COL11A2: variants seen among roughly 807,000 people sequenced by gnomAD.
COL11A2 encodes collagen alpha-2(XI) chain.
In COL11A2, 116 loss-of-function variants were observed where a neutral mutation model predicts 273.4. The ratio of observed to expected loss-of-function variants is 0.42; its 90% confidence interval spans 0.36 to 0.49. COL11A2 has a LOEUF of 0.49. Among genes scored for constraint, COL11A2 ranks in the 20% least tolerant of loss-of-function variants. The pLI, the probability that COL11A2 is intolerant of heterozygous loss-of-function variation, is 0.00. For synonymous variants in COL11A2, 782 were observed against 864.2 expected (o/e 0.90, Z 1.67); for missense variants, 1,866 against 2,309.0 (o/e 0.81, Z 3.93).
Position 33,186,957 on chromosome 6 carries a change from A to G in COL11A2, c.607-139T>C, listed in dbSNP as rs943072592. ...GTCACTGTCAGTCCTCCATATGCAT[A>G]GCCCTTTTCAGTTTTCAAGGGATCT... On this transcript the variant is annotated intron_variant, in intron 4 of 65. Coordinates refer to ENST00000341947, the MANE Select transcript of COL11A2 (RefSeq NM_080680.3). 3.6e-5 allele frequency: 40 copies of G among 1,109,028 alleles called. No homozygotes were observed. The Admixed American group carries it at 7.2e-4, about 20-fold the overall frequency. The allele number at this position is 1,109,028 out of a possible 1,614,324, so 68.7% of individuals were successfully genotyped here. A position where few individuals can be genotyped will look rare whatever the true frequency, so the allele number is the denominator to read the frequency against.
intron 7 of COL11A2, 117 bp from the exon 8 acceptor site, chr6:33,184,441 A>G (rs1489900507): frequency 1.4e-6 from 1 of 710,268 alleles, no homozygotes; most frequent in Non-Finnish European, 2.0e-6. Context: ...GTTAATCAGA[A>G]CTGGATTTTT....
chr6:33,180,659 C>A lies in COL11A2; in HGVS notation c.1284+9G>T, dbSNP rs1471304457. ...AAGCTCCCCCGTCACATGGAGGACA[C>A]CCCCTTACCCTCTCTCCAGGGTCTC... On this transcript the variant is annotated intron_variant, in intron 11 of 65. Transcript: ENST00000341947. 2.5e-6 allele frequency: 4 copies of A among 1,602,536 alleles called. No individual in the cohort carries two copies. The highest frequency in any genetic ancestry group is 3.4e-6 in the Non-Finnish European group (4 of 1,174,932).
In COL11A2 at chr6:33,178,320, C is replaced by A; in HGVS notation, c.1806G>T (p.Leu602=). Reference sequence around the variant, plus strand: ...CTTGGACACTCACCGACTCTCCAGGCAGCCCTCGAGGCCCAATCTCCCCGT... The same window carrying A: ...CTTGGACACTCACCGACTCTCCAGGAAGCCCTCGAGGCCCAATCTCCCCGT... The part of the protein sequence containing the change: ...GDDGEIGPRG[L]PGESGPRGLL... Residue 602 remains leucine (L), a synonymous_variant, in exon 20 of 66, where the codon CTG becomes CTT. Transcript: ENST00000341947. This position sits in a 1 kb window ranked among gnomAD's most constrained non-coding sequence, Gnocchi z 4.6. 6.2e-7 allele frequency: 1 copy of A among 1,612,852 alleles called. No homozygotes were observed. The highest frequency in any genetic ancestry group is 8.5e-7 in the Non-Finnish European group (1 of 1,179,928).
chr6:33,166,766 C>T lies in COL11A2; in HGVS notation c.4292G>A (p.Arg1431Gln), dbSNP rs761955347. The change falls in exon 59 of 66, where the codon CGG becomes CAG. Residue 1431 changes from arginine to glutamine, a missense_variant. Physicochemically the swap from Arg to Gln is conservative, Grantham distance 43 (BLOSUM62 1). Coordinates refer to ENST00000341947, the MANE Select transcript of COL11A2 (RefSeq NM_080680.3). This position sits in a 1 kb window ranked among gnomAD's most constrained non-coding sequence, Gnocchi z 4.8. ...PPGEQGEKGD[R>Q]GLPGPQGSPG... Reference sequence around the variant, plus strand: ...GGAGCCCTGAGGCCCAGGAAGTCCCCGATCTCCCTTCTCTCCCTGCTCACC... The same window carrying T: ...GGAGCCCTGAGGCCCAGGAAGTCCCTGATCTCCCTTCTCTCCCTGCTCACC... 25 of 1,613,392 alleles carry T rather than the reference C, an allele frequency of 1.5e-5. 1 individual carries two copies. Among genetic ancestry groups the T allele is most frequent in the South Asian group, 7.7e-5 (7 of 91,096 alleles).
chr6:33,180,253 C>T lies in COL11A2; in HGVS notation c.1359+5G>A, dbSNP rs377058263. ...GCATGTTCCAAAACCCAAGAGACAA[C>T]TCACTGGGAGCATGAGAGATGTGCC... On this transcript the variant is annotated splice_donor_5th_base_variant and intron_variant, in intron 12 of 65. Transcript: ENST00000341947. 3 of 1,612,732 alleles carry T rather than the reference C, an allele frequency of 1.9e-6. No individual in the cohort carries two copies. The highest frequency in any genetic ancestry group is 2.5e-6 in the Non-Finnish European group (3 of 1,179,876).
At chr6:33,184,899 A>G (rs569046711) in intron 7 of COL11A2, 93 bp downstream of exon 7, 1 of 1,038,534 alleles carries the variant, frequency 9.6e-7, no homozygotes, top group Non-Finnish European at 1.5e-6. Context: ...CGGCCAGAGG[A>G]GGGGCTGGTC....
Position 33,167,169 on chromosome 6 carries a change from A to C in COL11A2, c.4177-46T>G. 1 of 1,613,260 alleles carries C rather than the reference A, an allele frequency of 6.2e-7. No homozygotes were observed. Among genetic ancestry groups the C allele is most frequent in the Non-Finnish European group, 8.5e-7 (1 of 1,179,262 alleles). On this transcript the variant is annotated intron_variant, in intron 57 of 65. Transcript: ENST00000341947. The surrounding 1 kb of genome is among the most constrained non-coding windows in gnomAD (Gnocchi z 6.1). ...ATTCTCTTAAGGGAGAGGTGGGACC[A>C]AGTTCTCCCCAACAGCCTCCACTTC...
At chr6:33,188,091 GGA>G (rs963243543) in intron 4 of COL11A2, among the ~76,000 whole-genome samples, 3 of 151,980 alleles carry the variant, frequency 2.0e-5, no homozygotes, top group Non-Finnish European at 2.9e-5. Context: ...GGGTGGGTGA[GGA>G]GAGAGAGGGG....
rs1351272954 is a variant in COL11A2 at position 33,179,559 on chromosome 6, T to C, written c.1447-72A>G. 6.8e-7 allele frequency: 1 copy of C among 1,468,620 alleles called. No homozygotes were observed. The highest frequency in any genetic ancestry group is 1.4e-5 in the African/African-American group (1 of 71,478). The allele number at this position is 1,468,620 out of a possible 1,614,324, so 91.0% of individuals were successfully genotyped here. A position where few individuals can be genotyped will look rare whatever the true frequency, so the allele number is the denominator to read the frequency against. ...CCCCCAGCCCCAGCACTCTCCAAAT[T>C]CACCCTTCCTCTCCTGATCCTCATC... On this transcript the variant is annotated intron_variant, in intron 13 of 65. Transcript: ENST00000341947. This position sits in a 1 kb window ranked among gnomAD's most constrained non-coding sequence, Gnocchi z 6.4.
Position 33,172,044 on chromosome 6 carries a change from A to G in COL11A2, c.3042+6T>C. 1 of 1,612,510 alleles carries G rather than the reference A, an allele frequency of 6.2e-7. No homozygotes were observed. Among genetic ancestry groups the G allele is most frequent in the Non-Finnish European group, 8.5e-7 (1 of 1,179,858 alleles). ...CTTCCTACCACTTCCGGAACCCCAG[A>G]CTCACTGCAGGGCCAGGGGGGCCAG... On this transcript the variant is annotated splice_donor_region_variant and intron_variant, in intron 41 of 65. Transcript: ENST00000341947.
upstream of COL11A2, chr6:33,192,584 T>G: frequency 2.4e-6 from 1 of 421,192 alleles, no homozygotes; most frequent in South Asian, 2.4e-5. Context: ...AGTCTCCACC[T>G]GGGGAGGGAG....
Position 33,178,034 on chromosome 6 carries a change from T to A in COL11A2, c.1872+98A>T. The A allele has an allele frequency of 7.9e-7, 1 of 1,272,950 alleles. No individual in the cohort carries two copies. Among genetic ancestry groups the A allele is most frequent in the Non-Finnish European group, 1.1e-6 (1 of 896,320 alleles). 78.9% of individuals were successfully genotyped at this position (1,272,950 alleles called of 1,614,324 possible). A position where few individuals can be genotyped will look rare whatever the true frequency, so the allele number is the denominator to read the frequency against. On this transcript the variant is annotated intron_variant, in intron 21 of 65. Coordinates refer to ENST00000341947, the MANE Select transcript of COL11A2 (RefSeq NM_080680.3). This position sits in a 1 kb window ranked among gnomAD's most constrained non-coding sequence, Gnocchi z 4.6. ...GGGAGCTCACAGGGAATGGGAAGCA[T>A]GCCGAGAGAGGAGAGGGAGCAGGAA...
At position 33,174,514 on chromosome 6, in the gene COL11A2, G is replaced by A; in HGVS notation, c.2430+13C>T. 1 of 1,612,410 alleles carries A rather than the reference G, an allele frequency of 6.2e-7. No homozygotes were observed. Among genetic ancestry groups the A allele is most frequent in the African/African-American group, 1.3e-5 (1 of 74,990 alleles). ...GGAAGAGGAGGAGGGGCACGTATGG[G>A]GCATGGCATCACCTTGGGTCCCTGA... On this transcript the variant is annotated intron_variant, in intron 31 of 65. Coordinates refer to ENST00000341947, the MANE Select transcript of COL11A2 (RefSeq NM_080680.3).
rs923791518 is a variant in COL11A2 at position 33,177,599 on chromosome 6, C to T, written c.1917+63G>A. The T allele has an allele frequency of 3.1e-6, 5 of 1,605,168 alleles. No individual in the cohort carries two copies. The highest frequency in any genetic ancestry group is 1.1e-5 in the South Asian group (1 of 90,860). On this transcript the variant is annotated intron_variant, in intron 22 of 65. Transcript: ENST00000341947. This position sits in a 1 kb window ranked among gnomAD's most constrained non-coding sequence, Gnocchi z 5.9. ...AGGCAGGGGTCAAAATGGCGGCCAA[C>T]AGGATGCTGGCAGGGACCTCGGGGG...
At chr6:33,182,585 C>T (rs1340897426) in intron 8 of COL11A2, among the ~76,000 whole-genome samples, 1 of 152,006 alleles carries the variant, frequency 6.6e-6, no homozygotes, top group African/African-American at 2.4e-5. Context: ...GTGGCACATG[C>T]CTGTAACCCC....
At position 33,166,136 on chromosome 6, in the gene COL11A2, T is replaced by C; in HGVS notation, c.4428+35A>G. 1.2e-6 allele frequency: 2 copies of C among 1,607,502 alleles called. No homozygotes were observed. Among genetic ancestry groups the C allele is most frequent in the South Asian group, 2.2e-5 (2 of 89,764 alleles). On this transcript the variant is annotated intron_variant, in intron 61 of 65. Transcript: ENST00000341947. The surrounding 1 kb of genome is among the most constrained non-coding windows in gnomAD (Gnocchi z 4.8). The stretch of plus-strand genomic sequence containing the variant: ...GAGACATCATCAAGTCCAGAGGGGG[T>C]GGAGCAAAGGTCAGAGCTGAAGGGG...
chr6:33,170,425 G>T lies in COL11A2; in HGVS notation c.3529-46C>A, dbSNP rs749877931. 16 of 1,604,658 alleles carry T rather than the reference G, an allele frequency of 1.0e-5. No individual in the cohort carries two copies. The highest frequency in any genetic ancestry group is 1.7e-5 in the Admixed American group (1 of 59,832). ...ACAGATGAGGAAGGGAAGTGAGATG[G>T]CTGAGCATGAATGGTGGAGAGAGGA... On this transcript the variant is annotated intron_variant, in intron 47 of 65. Coordinates refer to ENST00000341947, the MANE Select transcript of COL11A2 (RefSeq NM_080680.3). This position sits in a 1 kb window ranked among gnomAD's most constrained non-coding sequence, Gnocchi z 4.3.
In COL11A2 at chr6:33,166,657, A is replaced by T; in HGVS notation, c.4338+63T>A. The T allele has an allele frequency of 6.2e-7, 1 of 1,610,318 alleles. No individual in the cohort carries two copies. The highest frequency in any genetic ancestry group is 8.5e-7 in the Non-Finnish European group (1 of 1,177,494). ...TACCCACAGCTGAGTCCCAACTCCA[A>T]CTCCACCCCTCTCCACCCCACTCTC... On this transcript the variant is annotated intron_variant, in intron 59 of 65. Coordinates refer to ENST00000341947, the MANE Select transcript of COL11A2 (RefSeq NM_080680.3). This position sits in a 1 kb window ranked among gnomAD's most constrained non-coding sequence, Gnocchi z 4.8.
Position 33,169,023 on chromosome 6 carries a change from G to A in COL11A2, c.3799-15C>T, listed in dbSNP as rs899958290. The stretch of plus-strand genomic sequence containing the variant: ...CCAACAGGACCCTGATCCAGATGGA[G>A]AATAAGAGTCAGGGTCACAGCTCCC... On this transcript the variant is annotated splice_polypyrimidine_tract_variant and intron_variant, in intron 51 of 65. Transcript: ENST00000341947. The surrounding 1 kb of genome is among the most constrained non-coding windows in gnomAD (Gnocchi z 5.5). The A allele has an allele frequency of 1.9e-6, 3 of 1,602,480 alleles. No homozygotes were observed. Among genetic ancestry groups the A allele is most frequent in the Non-Finnish European group, 2.6e-6 (3 of 1,174,604 alleles).
Sources: gnomAD v4.1 joint callset for allele counts (sites outside exome capture counted in the v4.1 genomes callset) on GRCh38, gnomAD v4.1.1 for gene constraint, Gnocchi (gnomAD v3.1) non-coding constraint, MANE v1.5 for transcripts, NCBI Gene and HGNC (gene_info 2026-07-23, HGNC 2026-07-21) for gene names.